The following CLASP2 variants were observed in gnomAD, a reference collection of about 807,000 sequenced individuals.
CLASP2 encodes cytoplasmic linker associated protein 2.
A neutral mutation model predicts 194.4 loss-of-function variants in CLASP2; 47 were observed. That is an observed-to-expected ratio of 0.24 (90% CI 0.19 to 0.31). The LOEUF is 0.31. Among genes scored for constraint, CLASP2 ranks in the 10% least tolerant of loss-of-function variants. The pLI, the probability that CLASP2 is intolerant of heterozygous loss-of-function variation, is 1.00. For synonymous variants in CLASP2, 619 were observed against 633.5 expected, an observed-to-expected ratio of 0.98 and a Z score of 0.34; for missense variants, 1,445 against 1,823.6, an observed-to-expected ratio of 0.79 and a Z score of 3.78.
At chr3:33,548,368 G>T (rs1032669522) in intron 30 of CLASP2, among the ~76,000 whole-genome samples, 3 of 151,774 alleles carry the variant, frequency 2.0e-5, no homozygotes, top group Non-Finnish European at 4.4e-5. Flanking sequence ...CGCAATCTCG[G>T]CTCACTACAA....
At chr3:33,684,303 A>C (rs925188743) in intron 6 of CLASP2, 56 bp downstream of exon 6, 23 of 925,798 alleles carry the variant, frequency 2.5e-5, no homozygotes, top group Non-Finnish European at 3.8e-5. Context: ...ATAAAATGAA[A>C]ACTTTTAAAA....
intron 8 of CLASP2, among the ~76,000 whole-genome samples, chr3:33,642,310 T>C (rs953545716): frequency 6.6e-6 from 1 of 151,928 alleles, no homozygotes; most frequent in Non-Finnish European, 1.5e-5. Context: ...AGGCATTATT[T>C]AGCCATGAAT....
chr3:33,706,746 G>A (rs770720771), intron 1 of CLASP2, among the ~76,000 whole-genome samples: 1 of 152,110 alleles, frequency 6.6e-6, no homozygotes, highest in Admixed American at 6.5e-5. Context: ...AGGAATGCTT[G>A]AGCCCAGGAG....
chr3:33,681,507 A>C (rs1177499981), intron 6 of CLASP2, among the ~76,000 whole-genome samples: 1 of 152,188 alleles, frequency 6.6e-6, no homozygotes, highest in Non-Finnish European at 1.5e-5. Flanking sequence ...TTAACTACAC[A>C]ATTACAGGAT....
intron 1 of CLASP2, among the ~76,000 whole-genome samples, chr3:33,711,055 A>C (rs770599517): frequency 6.6e-6 from 1 of 152,196 alleles, no homozygotes; most frequent in Non-Finnish European, 1.5e-5. Flanking sequence ...AAAGATGTAG[A>C]ATAGTTGTTT....
At chr3:33,595,380 G>C (rs1349804263) in intron 19 of CLASP2, among the ~76,000 whole-genome samples, 1 of 151,930 alleles carries the variant, frequency 6.6e-6, no homozygotes, top group Non-Finnish European at 1.5e-5. Context: ...AGCCCATGAA[G>C]GAATCAGAAA....
intron 26 of CLASP2, among the ~76,000 whole-genome samples, chr3:33,568,141 AGTTGATCATATATGACAGGGGT>A (rs1305917911): frequency 3.9e-5 from 6 of 152,208 alleles, no homozygotes; most frequent in African/African-American, 1.4e-4. Flanking sequence ...AACGACAAAG[AGTTGATCATATATGACAGGGGT>A]CAGCAAACTA....
intron 34 of CLASP2, among the ~76,000 whole-genome samples, chr3:33,522,223 G>A (rs2053321334): frequency 6.6e-6 from 1 of 151,994 alleles, no homozygotes. Flanking sequence ...TCCTTTTTGG[G>A]AGCCAGACAT....
rs1027731514 is a variant in CLASP2, at chr3:33,571,015, A to ATTTT, written c.2700-229_2700-226dup. ...AGATGGCAAGATCCTGTCTCTATAAATTTTTTTTTTTTTTTTTTGAGACGG... is the reference window on the plus strand; with the variant it reads ...AGATGGCAAGATCCTGTCTCTATAAATTTTTTTTTTTTTTTTTTTTTTGAGACGG... On this transcript the variant is annotated intron_variant, in intron 25 of 38. Coordinates refer to ENST00000682230, the MANE Select transcript of CLASP2 (RefSeq NM_001365631.1). 2.3e-4 allele frequency among the ~76,000 whole-genome samples: 28 copies of ATTTT among 123,926 alleles called. 2 individuals are homozygous for ATTTT. The highest frequency in any genetic ancestry group is 4.0e-3 in the Middle Eastern group (1 of 250). 81.3% of individuals were successfully genotyped at this position (123,926 alleles called of 152,430 possible). A position where few individuals can be genotyped will look rare whatever the true frequency, so the allele number is the denominator to read the frequency against.
At chr3:33,609,842 G>C (rs574912303) in intron 13 of CLASP2, among the ~76,000 whole-genome samples, 1 of 152,066 alleles carries the variant, frequency 6.6e-6, no homozygotes, top group Non-Finnish European at 1.5e-5. Context: ...GAATTAATTC[G>C]TACCCTTTCA....
intron 20 of CLASP2, 78 bp from the exon 21 acceptor site, chr3:33,592,574 AT>A: frequency 8.7e-7 from 1 of 1,152,648 alleles, no homozygotes; most frequent in Non-Finnish European, 1.3e-6. Context: ...AAATCTCACT[AT>A]TTTTAGGTAC....
At position 33,717,854 on chromosome 3, in the gene CLASP2, T is replaced by G; in HGVS notation, c.149A>C (p.Lys50Thr). 6.4e-7 allele frequency: 1 copy of G among 1,565,516 alleles called. No homozygotes were observed. Among genetic ancestry groups the G allele is most frequent in the Non-Finnish European group, 8.7e-7 (1 of 1,155,698 alleles). ...DLEEDLGRLG[K>T]TVDALTGWVG... ...CCAGCCGGTGAGCGCGTCGACTGTC[T>G]TGCCTAGGCGGCCCAGGTCCTCCTC... Residue 50 changes from lysine to threonine, a missense_variant, in exon 1 of 39, where the codon AAG becomes ACG. By Grantham distance (78) the Lys-to-Thr change is moderately conservative. Coordinates refer to ENST00000682230, the MANE Select transcript of CLASP2 (RefSeq NM_001365631.1).
At chr3:33,616,238 C>T (rs185632480) in intron 12 of CLASP2, among the ~76,000 whole-genome samples, 1 of 152,040 alleles carries the variant, frequency 6.6e-6, no homozygotes, top group East Asian at 1.9e-4. Flanking sequence ...GAGGCTGAGG[C>T]GAGAGGATTG....
chr3:33,674,030 TCAA>T, intron 6 of CLASP2, among the ~76,000 whole-genome samples: 1 of 152,238 alleles, frequency 6.6e-6, no homozygotes, highest in African/African-American at 2.4e-5. Context: ...ATTAGACAGA[TCAA>T]CGAGACAGAA....
intron 32 of CLASP2, among the ~76,000 whole-genome samples, chr3:33,539,950 T>G (rs1000908753): frequency 6.6e-6 from 1 of 150,620 alleles, no homozygotes; most frequent in African/African-American, 2.4e-5. Context: ...GGAGTTTCAC[T>G]CTTGTTGCCC....
At chr3:33,632,436 C>G (rs1030115651) in intron 8 of CLASP2, 65 bp from the exon 9 acceptor site, 1 of 1,118,080 alleles carries the variant, frequency 8.9e-7, no homozygotes, top group African/African-American at 1.6e-5. Context: ...TTAATGACAA[C>G]ATGAAAAATA....
At chr3:33,534,365 C>T (rs911454713) in intron 34 of CLASP2, among the ~76,000 whole-genome samples, 1 of 151,890 alleles carries the variant, frequency 6.6e-6, no homozygotes, top group African/African-American at 2.4e-5. Flanking sequence ...AGTTCAAGAC[C>T]AGCCTAGGGA....
intron 8 of CLASP2, among the ~76,000 whole-genome samples, chr3:33,635,381 C>A (rs2079942736): frequency 6.6e-6 from 1 of 152,096 alleles, no homozygotes; most frequent in African/African-American, 2.4e-5. Flanking sequence ...CAATAATAAT[C>A]AAGCTTCCAA....
At chr3:33,667,757 C>G (rs1457181579) in intron 6 of CLASP2, among the ~76,000 whole-genome samples, 1 of 152,052 alleles carries the variant, frequency 6.6e-6, no homozygotes, top group Non-Finnish European at 1.5e-5. Context: ...CTTTCCTGCT[C>G]TATTAAATGG....
Sources: allele counts gnomAD v4.1 joint callset (sites outside exome capture counted in the v4.1 genomes callset), GRCh38; gene constraint gnomAD v4.1.1; transcripts MANE v1.5; gene names NCBI Gene and HGNC (gene_info 2026-07-23, HGNC 2026-07-21).